CEP70: variants seen among roughly 807,000 people sequenced by gnomAD.
CEP70 encodes the protein centrosomal protein 70.
In CEP70, 70 loss-of-function variants were observed where a neutral mutation model predicts 90.9. That is an observed-to-expected ratio of 0.77 (90% CI 0.64 to 0.94). CEP70 has a LOEUF of 0.94. Among genes scored for constraint, CEP70 ranks in the 40% least tolerant of loss-of-function variants. The pLI is 0.00. For missense variants in CEP70, 648 were observed against 669.0 expected, an observed-to-expected ratio of 0.97 and a Z score of 0.35; for synonymous variants, 220 against 228.3, an observed-to-expected ratio of 0.96 and a Z score of 0.33.
intron 10 of CEP70, among the ~76,000 whole-genome samples, chr3:138,528,867 C>T (rs1442932287): frequency 6.6e-6 from 1 of 152,138 alleles, no homozygotes; most frequent in Non-Finnish European, 1.5e-5. Context: ...TGGTGTGCAC[C>T]TGTAATCCCA....
intron 2 of CEP70, among the ~76,000 whole-genome samples, chr3:138,575,116 G>A (rs543109450): frequency 1.5e-4 from 23 of 152,216 alleles, no homozygotes; most frequent in Non-Finnish European, 2.6e-4. Flanking sequence ...CGAGTTGACA[G>A]AAGTAGGCTT....
chr3:138,510,319 G>A (rs1485081554), intron 11 of CEP70, among the ~76,000 whole-genome samples: 2 of 151,840 alleles, frequency 1.3e-5, no homozygotes, highest in Non-Finnish European at 2.9e-5. Flanking sequence ...TGTAGTCCCA[G>A]CTACTCGGGA....
chr3:138,498,624 A>T (rs947519164), intron 16 of CEP70, among the ~76,000 whole-genome samples: 1 of 151,864 alleles, frequency 6.6e-6, no homozygotes, highest in Non-Finnish European at 1.5e-5. Context: ...GTGAGCTACC[A>T]CGCCCAGCCA....
At chr3:138,516,102 C>T (rs150895459) in intron 11 of CEP70, among the ~76,000 whole-genome samples, 1 of 152,202 alleles carries the variant, frequency 6.6e-6, no homozygotes. Flanking sequence ...TGGCTACTCT[C>T]CCACGATTGT....
intron 6 of CEP70, among the ~76,000 whole-genome samples, chr3:138,551,325 C>A (rs1247146448): frequency 6.6e-6 from 1 of 152,136 alleles, no homozygotes; most frequent in Non-Finnish European, 1.5e-5. Context: ...GAGAATTCAC[C>A]ACTAACAAGC....
At chr3:138,586,314 C>T (rs1459355187) in intron 2 of CEP70, among the ~76,000 whole-genome samples, 1 of 152,128 alleles carries the variant, frequency 6.6e-6, no homozygotes, top group African/African-American at 2.4e-5. Context: ...CATGCCACCA[C>T]ACTGGCCAAT....
At chr3:138,497,323 C>G in intron 17 of CEP70, 1 of 1,250,316 alleles carries the variant, frequency 8.0e-7, no homozygotes, top group Non-Finnish European at 1.0e-6. Flanking sequence ...AAGCAAAGAG[C>G]CATTCTTTAA....
chr3:138,572,457 T>C (rs2041241750), intron 3 of CEP70, among the ~76,000 whole-genome samples: 1 of 152,214 alleles, frequency 6.6e-6, no homozygotes, highest in South Asian at 2.1e-4. Context: ...CTGTAACTCA[T>C]AAAAACAAAA....
chr3:138,532,404 A>T (rs2037905719), intron 8 of CEP70, 110 bp downstream of exon 8: 1 of 894,368 alleles, frequency 1.1e-6, no homozygotes, highest in Non-Finnish European at 1.6e-6. Flanking sequence ...CTTCACAGTG[A>T]CATATTAGGT....
At chr3:138,556,436 G>A (rs1436244501) in intron 6 of CEP70, among the ~76,000 whole-genome samples, 1 of 147,842 alleles carries the variant, frequency 6.8e-6, no homozygotes, top group African/African-American at 2.5e-5. Context: ...GCTGATGCAG[G>A]AGAATTGCTT....
chr3:138,520,272 A>G (rs994112828), intron 11 of CEP70, among the ~76,000 whole-genome samples: 1 of 150,088 alleles, frequency 6.7e-6, no homozygotes, highest in African/African-American at 2.5e-5. Flanking sequence ...TAGACAGATC[A>G]ACGAGACAGA....
intron 5 of CEP70, 102 bp from the exon 6 acceptor site, chr3:138,570,600 C>CA: frequency 1.1e-6 from 1 of 894,976 alleles, no homozygotes; most frequent in Non-Finnish European, 1.7e-6. Flanking sequence ...AGTTTCTTTG[C>CA]ATTCTCTTTA....
At chr3:138,574,496 C>T (rs1047551201) in intron 2 of CEP70, among the ~76,000 whole-genome samples, 2 of 152,228 alleles carry the variant, frequency 1.3e-5, no homozygotes, top group African/African-American at 4.8e-5. Context: ...CCTCTGTAGA[C>T]TCCACCTCTG....
intron 6 of CEP70, among the ~76,000 whole-genome samples, chr3:138,551,040 C>CA (rs759029786): frequency 3.3e-5 from 5 of 152,086 alleles, no homozygotes; most frequent in African/African-American, 4.8e-5. Flanking sequence ...AAATTCATCG[C>CA]AAAAAGATTG....
chr3:138,555,233 ATT>A (rs2039917124), intron 6 of CEP70, among the ~76,000 whole-genome samples: 1 of 142,220 alleles, frequency 7.0e-6, no homozygotes. Context: ...TGGGTGACAG[ATT>A]GAGACTCCAT....
At position 138,594,251 on chromosome 3, in the gene CEP70, G is replaced by C. The variant is rs2108310453; in HGVS notation, c.-162C>G. 1 of 152,600 alleles carries C rather than the reference G, an allele frequency of 6.6e-6. No individual in the cohort carries two copies. Among genetic ancestry groups the C allele is most frequent in the South Asian group, 2.1e-4 (1 of 4,828 alleles). The allele number at this position is 152,600 out of a possible 1,614,324, so 9.5% of individuals were successfully genotyped here. On this transcript the variant is annotated 5_prime_UTR_variant, in exon 1 of 18. In the 5' UTR this introduces an upstream ATG that the reference lacks. Coordinates refer to ENST00000264982, the MANE Select transcript of CEP70 (RefSeq NM_024491.4). ...AGCCAGCCGGGCCAGGTTAGGCTGG[G>C]ATCAGCTACGTCAGGCCCCGCCTCC... is the stretch of plus-strand genomic sequence containing the variant.
At chr3:138,570,962 A>G in intron 5 of CEP70, 72 bp downstream of exon 5, 1 of 1,262,808 alleles carries the variant, frequency 7.9e-7, no homozygotes, top group Non-Finnish European at 1.1e-6. Context: ...TTAAATTTCA[A>G]GATTTTTTTC....
intron 10 of CEP70, 84 bp downstream of exon 10, chr3:138,529,115 G>A (rs1181201330): frequency 7.9e-6 from 6 of 762,794 alleles, no homozygotes; most frequent in East Asian, 5.3e-5. Flanking sequence ...GCGGTGAGAC[G>A]TGATCACACC....
At chr3:138,547,042 A>G (rs2039262335) in intron 6 of CEP70, among the ~76,000 whole-genome samples, 1 of 152,044 alleles carries the variant, frequency 6.6e-6, no homozygotes, top group Non-Finnish European at 1.5e-5. Context: ...AAATAATGAA[A>G]TTGAAATGAA....
Sources: gnomAD v4.1 joint callset for allele counts (sites outside exome capture counted in the v4.1 genomes callset) on GRCh38, gnomAD v4.1.1 for gene constraint, MANE v1.5 for transcripts, NCBI Gene and HGNC (gene_info 2026-07-23, HGNC 2026-07-21) for gene names.